Variants in ITFG1 observed in about 807,000 individuals in gnomAD.
ITFG1 encodes the protein integrin alpha FG-GAP repeat containing 1.
Under a neutral mutation model 81.8 loss-of-function variants are expected in ITFG1, and 34 were observed. The ratio of observed to expected loss-of-function variants is 0.42; its 90% CI spans 0.32 to 0.55. The LOEUF (loss-of-function observed/expected upper bound fraction) is 0.55, where lower values mean the gene tolerates loss of function less well. Ranked by LOEUF, ITFG1 falls within the 20% of genes least tolerant of loss-of-function variation. ITFG1 has a pLI of 0.17. For synonymous variants in ITFG1, 285 were observed against 270.6 expected, an observed-to-expected ratio of 1.05 and a Z score of -0.52; for missense variants, 672 against 755.4, an observed-to-expected ratio of 0.89 and a Z score of 1.29.
intron 10 of ITFG1, among the ~76,000 whole-genome samples, chr16:47,268,179 A>G (rs1596849023): frequency 6.6e-6 from 1 of 152,114 alleles, no homozygotes; most frequent in East Asian, 1.9e-4. Context: ...AAAGGTAAAA[A>G]GTACCAATAT....
chr16:47,319,652 C>T (rs904532852), intron 8 of ITFG1, among the ~76,000 whole-genome samples: 1 of 152,092 alleles, frequency 6.6e-6, no homozygotes, highest in African/African-American at 2.4e-5. Flanking sequence ...AAACTGACCA[C>T]GTTTCTTGTT....
intron 5 of ITFG1, among the ~76,000 whole-genome samples, chr16:47,437,422 C>T (rs34397861): frequency 0.23 from 34,028 of 149,570 alleles, 4,829 homozygotes; most frequent in Non-Finnish European, 0.33. Context: ...GAGCTATGAT[C>T]GTACCACTGC....
chr16:47,428,939 C>T (rs762533606), intron 5 of ITFG1, 41 bp from the exon 6 acceptor site: 26 of 1,128,102 alleles, frequency 2.3e-5, no homozygotes, highest in South Asian at 4.1e-5. Flanking sequence ...AGGCAAACAT[C>T]AAATGAGCAT....
intron 8 of ITFG1, among the ~76,000 whole-genome samples, chr16:47,334,266 T>C (rs1381807083): frequency 1.3e-5 from 2 of 151,954 alleles, no homozygotes; most frequent in Non-Finnish European, 2.9e-5. Flanking sequence ...CTGGGCAACA[T>C]GGCCAAAGGA....
chr16:47,430,519 T>C (rs1442351207), intron 5 of ITFG1, among the ~76,000 whole-genome samples: 1 of 152,202 alleles, frequency 6.6e-6, no homozygotes, highest in Non-Finnish European at 1.5e-5. Context: ...CTAAGAGTTT[T>C]ATAGTTTTAG....
At position 47,349,464 on chromosome 16, in the gene ITFG1, C is replaced by G. The variant is rs1002782173; in HGVS notation, c.802+16324G>C. ...AACAAAGATCAAAAGAGACAAAGAA[C>G]ACCATTACATAATGGTAAAGGGATC... On this transcript the variant is annotated intron_variant, in intron 8 of 17. Coordinates refer to ENST00000320640, the MANE Select transcript of ITFG1 (RefSeq NM_030790.5). Among the ~76,000 whole-genome samples, 14 of 152,170 alleles carry G rather than the reference C, an allele frequency of 9.2e-5. No homozygotes were observed. In the South Asian group the frequency reaches 1.7e-3, roughly 18 times the overall value.
Position 47,154,856 on chromosome 16 carries a change from G to C in ITFG1, c.*863C>G, listed in dbSNP as rs1964678878. On this transcript the variant is annotated 3_prime_UTR_variant, in exon 18 of 18. Transcript: ENST00000320640. ...GTACTATAATTTTTAGTTAATATGA[G>C]CAAGTAAATCTTTATGTCAATCACC... 6.6e-6 allele frequency: 1 copy of C among 152,116 alleles called. No individual in the cohort carries two copies. Among genetic ancestry groups the C allele is most frequent in the Non-Finnish European group, 1.5e-5 (1 of 68,024 alleles). The allele number at this position is 152,116 out of a possible 1,614,324, so 9.4% of individuals were successfully genotyped here. A position where few individuals can be genotyped will look rare whatever the true frequency, so the allele number is the denominator to read the frequency against.
intron 8 of ITFG1, among the ~76,000 whole-genome samples, chr16:47,314,513 C>G (rs923063968): frequency 6.6e-6 from 1 of 152,084 alleles, no homozygotes; most frequent in African/African-American, 2.4e-5. Flanking sequence ...TATAGATATC[C>G]TTTCCAAGTG....
At chr16:47,325,403 C>A (rs1177477739) in intron 8 of ITFG1, among the ~76,000 whole-genome samples, 1 of 152,038 alleles carries the variant, frequency 6.6e-6, no homozygotes, top group Non-Finnish European at 1.5e-5. Flanking sequence ...CCTAACATCA[C>A]AATTAAAAGA....
chr16:47,417,855 C>T (rs982888903), intron 6 of ITFG1, among the ~76,000 whole-genome samples: 4 of 152,112 alleles, frequency 2.6e-5, no homozygotes, highest in Admixed American at 6.5e-5. Context: ...ACAGATATCC[C>T]TTCAATATAC....
At chr16:47,380,048 CAAAA>C (rs763213367) in intron 6 of ITFG1, among the ~76,000 whole-genome samples, 8 of 49,094 alleles carry the variant, frequency 1.6e-4, no homozygotes, top group African/African-American at 3.8e-4. Flanking sequence ...CTTGGGTAGC[CAAAA>C]AAAAAAAAAA....
At chr16:47,460,789 G>A (rs1437069386) in intron 1 of ITFG1, 49 bp downstream of exon 1, 2 of 1,592,742 alleles carry the variant, frequency 1.3e-6, no homozygotes, top group East Asian at 4.5e-5. Flanking sequence ...GGGAACACCG[G>A]GAGAGGCACA....
chr16:47,362,829 T>C (rs896817337), intron 8 of ITFG1, among the ~76,000 whole-genome samples: 3 of 152,192 alleles, frequency 2.0e-5, no homozygotes, highest in East Asian at 1.9e-4. Context: ...TTTACTCTTG[T>C]ATTTTTTTTA....
chr16:47,420,567 G>A (rs1968933071), intron 6 of ITFG1, among the ~76,000 whole-genome samples: 1 of 152,146 alleles, frequency 6.6e-6, no homozygotes, highest in Non-Finnish European at 1.5e-5. Flanking sequence ...CCTTATGAAT[G>A]TCTTGGTGCC....
At chr16:47,377,660 A>T (rs1376088103) in intron 6 of ITFG1, among the ~76,000 whole-genome samples, 3 of 152,142 alleles carry the variant, frequency 2.0e-5, no homozygotes, top group Non-Finnish European at 4.4e-5. Context: ...TCTTCCTTCT[A>T]GAGTTCCTTC....
intron 6 of ITFG1, chr16:47,425,960 T>C (rs1452088534): frequency 6.6e-6 from 1 of 152,188 alleles, no homozygotes; most frequent in Non-Finnish European, 1.5e-5. Flanking sequence ...TCTTTATCTC[T>C]TATTGTTTAT....
At chr16:47,288,912 G>C (rs1472731428) in intron 10 of ITFG1, among the ~76,000 whole-genome samples, 1 of 152,116 alleles carries the variant, frequency 6.6e-6, no homozygotes, top group African/African-American at 2.4e-5. Context: ...AAGTAAAATG[G>C]GTATCCTTGT....
intron 10 of ITFG1, among the ~76,000 whole-genome samples, chr16:47,287,358 C>T (rs532960987): frequency 1.5e-4 from 23 of 152,154 alleles, no homozygotes; most frequent in Non-Finnish European, 2.9e-4. Context: ...GGATTACAAG[C>T]GTGAGCCACC....
At chr16:47,170,736 CTTT>C (rs35976837) in intron 14 of ITFG1, among the ~76,000 whole-genome samples, 3 of 121,184 alleles carry the variant, frequency 2.5e-5, no homozygotes, top group Non-Finnish European at 3.3e-5. Context: ...TCTAGATTAT[CTTT>C]TTTTTTTTTT....
Sources: allele counts gnomAD v4.1 joint callset (sites outside exome capture counted in the v4.1 genomes callset), GRCh38; gene constraint gnomAD v4.1.1; transcripts MANE v1.5; gene names NCBI Gene and HGNC (gene_info 2026-07-23, HGNC 2026-07-21).